Variants in CLSTN2 observed in about 807,000 individuals in gnomAD.
CLSTN2 encodes calsyntenin 2, also known as calsyntenin-2.
In CLSTN2, 48 loss-of-function variants were observed where a neutral mutation model predicts 101.2. That is an observed-to-expected ratio of 0.47 (90% CI 0.38 to 0.60). CLSTN2 has a LOEUF of 0.60. CLSTN2 is among the 20% of genes least tolerant of loss of function. The probability of loss-of-function intolerance (pLI) is 0.00; values close to 1 mark genes in which losing one functional copy is unlikely to be tolerated. For missense variants in CLSTN2, 1,160 were observed against 1,238.2 expected (o/e 0.94, Z 0.95); for synonymous variants, 481 against 463.6 (o/e 1.04, Z -0.48).
chr3:140,093,376 T>C (rs1358180202), intron 1 of CLSTN2, among the ~76,000 whole-genome samples: 2 of 152,148 alleles, frequency 1.3e-5, no homozygotes, highest in African/African-American at 4.8e-5. Context: ...CCTCACTGCC[T>C]TCTTGTTTCA....
intron 2 of CLSTN2, among the ~76,000 whole-genome samples, chr3:140,340,579 A>G (rs550317104): frequency 6.6e-6 from 1 of 152,312 alleles, no homozygotes; most frequent in South Asian, 2.1e-4. Flanking sequence ...AAAAATTTCA[A>G]ATGATGGTAC....
At chr3:140,055,593 G>A (rs1055380224) in intron 1 of CLSTN2, among the ~76,000 whole-genome samples, 2 of 152,198 alleles carry the variant, frequency 1.3e-5, no homozygotes, top group African/African-American at 2.4e-5. Context: ...GCCTTACAGG[G>A]TTGTGGTGGG....
At chr3:140,396,852 A>G (rs2088188110) in intron 2 of CLSTN2, among the ~76,000 whole-genome samples, 1 of 152,212 alleles carries the variant, frequency 6.6e-6, no homozygotes, top group Admixed American at 6.5e-5. Flanking sequence ...GGAGCAGGGT[A>G]TGGAATTATG....
chr3:140,542,673 GATAA>G (rs1221529469), intron 9 of CLSTN2, among the ~76,000 whole-genome samples: 3 of 152,114 alleles, frequency 2.0e-5, no homozygotes, highest in African/African-American at 7.2e-5. Context: ...CCTTGTCACT[GATAA>G]ATAGAGTGCA....
At chr3:140,478,021 A>G (rs914131266) in intron 8 of CLSTN2, among the ~76,000 whole-genome samples, 1 of 152,194 alleles carries the variant, frequency 6.6e-6, no homozygotes, top group African/African-American at 2.4e-5. Context: ...CCTCCCCAAT[A>G]GAGAGTTGAC....
chr3:140,132,180 G>A (rs1373002898), intron 1 of CLSTN2, among the ~76,000 whole-genome samples: 1 of 152,118 alleles, frequency 6.6e-6, no homozygotes, highest in Non-Finnish European at 1.5e-5. Flanking sequence ...AAGTTTAACA[G>A]GAGGAAAAAG....
At position 140,558,708 on chromosome 3, in the gene CLSTN2, T is replaced by C. The variant is rs1935850518; in HGVS notation, c.1892T>C (p.Ile631Thr). The part of the protein sequence containing the change: ...VDAYVMVLQA[I>T]EPRITLRGTD... Reference sequence around the variant, plus strand: ...GCCTATGTGATGGTCCTCCAGGCCATCGAGCCCCGGATCACCCTCCGGGGC... The same window carrying C: ...GCCTATGTGATGGTCCTCCAGGCCACCGAGCCCCGGATCACCCTCCGGGGC... The change falls in exon 12 of 17, where the codon ATC becomes ACC. Residue 631 changes from isoleucine to threonine, a missense_variant. By Grantham distance (89) the Ile-to-Thr change is moderately conservative. Transcript: ENST00000458420. 3 of 1,613,946 alleles carry C rather than the reference T, an allele frequency of 1.9e-6. No homozygotes were observed. The highest frequency in any genetic ancestry group is 2.2e-5 in the South Asian group (2 of 91,068).
chr3:140,226,816 A>G (rs1259584995), intron 2 of CLSTN2, among the ~76,000 whole-genome samples: 1 of 152,194 alleles, frequency 6.6e-6, no homozygotes, highest in Non-Finnish European at 1.5e-5. Context: ...CGTGTCTTAT[A>G]TGGATGGCAG....
chr3:140,405,739 A>C (rs1277369932), intron 4 of CLSTN2, among the ~76,000 whole-genome samples: 1 of 152,220 alleles, frequency 6.6e-6, no homozygotes, highest in Non-Finnish European at 1.5e-5. Context: ...CAACAAACTC[A>C]GCCCACTTTA....
intron 1 of CLSTN2, among the ~76,000 whole-genome samples, chr3:139,954,582 C>G (rs1935354807): frequency 6.6e-6 from 1 of 152,110 alleles, no homozygotes; most frequent in Admixed American, 6.6e-5. Context: ...AGTTGAGTGC[C>G]TGCAGCCTAC....
At chr3:139,955,112 C>CTCTATATATATATATATA (rs1553785579) in intron 1 of CLSTN2, among the ~76,000 whole-genome samples, 1 of 71,504 alleles carries the variant, frequency 1.4e-5, no homozygotes, top group Non-Finnish European at 2.5e-5. Flanking sequence ...GGCAATATTG[C>CTCTATATATATATATATA]TATATATATA....
chr3:140,110,626 G>A (rs2009139213), intron 1 of CLSTN2, among the ~76,000 whole-genome samples: 3 of 152,192 alleles, frequency 2.0e-5, no homozygotes, highest in Non-Finnish European at 4.4e-5. Flanking sequence ...TGCTGCAAAT[G>A]CTGGGATCAT....
intron 1 of CLSTN2, among the ~76,000 whole-genome samples, chr3:140,015,565 C>A (rs12631346): frequency 0.052 from 7,943 of 152,248 alleles, 508 homozygotes; most frequent in East Asian, 0.29. Flanking sequence ...AGAAGGACTG[C>A]AAGGTTTGGG....
chr3:140,372,797 T>C (rs754888331), intron 2 of CLSTN2, among the ~76,000 whole-genome samples: 16 of 152,290 alleles, frequency 1.1e-4, no homozygotes, highest in Admixed American at 5.9e-4. Context: ...CAAATGAGTA[T>C]ACTAAAGGTT....
chr3:140,062,358 A>G (rs2008221916), intron 1 of CLSTN2, among the ~76,000 whole-genome samples: 1 of 152,176 alleles, frequency 6.6e-6, no homozygotes, highest in Non-Finnish European at 1.5e-5. Context: ...CTCATGAGAT[A>G]TTATATTGAA....
At chr3:140,485,759 C>T (rs560174937) in intron 8 of CLSTN2, among the ~76,000 whole-genome samples, 6 of 152,220 alleles carry the variant, frequency 3.9e-5, no homozygotes, top group South Asian at 2.1e-4. Context: ...CCGAGCCATG[C>T]GCAGGATATA....
intron 2 of CLSTN2, among the ~76,000 whole-genome samples, chr3:140,243,410 C>G (rs2086488333): frequency 6.6e-6 from 1 of 152,178 alleles, no homozygotes; most frequent in Non-Finnish European, 1.5e-5. Flanking sequence ...GTCTTGGTGT[C>G]CTGAGACATC....
intron 2 of CLSTN2, among the ~76,000 whole-genome samples, chr3:140,367,664 A>T (rs1302909528): frequency 6.6e-6 from 1 of 152,154 alleles, no homozygotes; most frequent in Non-Finnish European, 1.5e-5. Flanking sequence ...TCTATTTTGA[A>T]CTGTGAGGGT....
At chr3:140,119,911 CCTCAG>C (rs3035913) in intron 1 of CLSTN2, among the ~76,000 whole-genome samples, 2,509 of 152,204 alleles carry the variant, frequency 0.016, 72 homozygotes, top group African/African-American at 0.056. Context: ...ACTCCATGAG[CCTCAG>C]TTTCATCTCC....
Sources: allele counts gnomAD v4.1 joint callset (sites outside exome capture counted in the v4.1 genomes callset), GRCh38; gene constraint gnomAD v4.1.1; transcripts MANE v1.5; gene names NCBI Gene and HGNC (gene_info 2026-07-23, HGNC 2026-07-21).